ZNF407: variants seen among roughly 807,000 people sequenced by gnomAD.
The protein encoded by ZNF407 is zinc finger protein 407.
A neutral mutation model predicts 131.2 loss-of-function variants in ZNF407; 17 were observed. That is an observed-to-expected ratio of 0.13 (90% CI 0.09 to 0.19). The LOEUF (loss-of-function observed/expected upper bound fraction) is 0.19, where lower values mean the gene tolerates loss of function less well. Ranked by LOEUF, ZNF407 falls within the 10% of genes least tolerant of loss-of-function variation. ZNF407 has a pLI of 1.00. For synonymous variants in ZNF407, 1,156 were observed against 1,062.0 expected, an observed-to-expected ratio of 1.09 and a Z score of -1.72; for missense variants, 2,681 against 2,830.6, an observed-to-expected ratio of 0.95 and a Z score of 1.20.
chr18:74,757,972 T>C (rs1969003286), intron 3 of ZNF407, among the ~76,000 whole-genome samples: 1 of 152,218 alleles, frequency 6.6e-6, no homozygotes. Flanking sequence ...TGGTTACTGA[T>C]TGCATGGTGT....
intron 8 of ZNF407, among the ~76,000 whole-genome samples, chr18:74,958,270 G>A (rs1295389760): frequency 6.6e-6 from 1 of 152,228 alleles, no homozygotes; most frequent in East Asian, 1.9e-4. Context: ...TTTACTGAGT[G>A]TGGGTTAGGG....
chr18:74,795,934 G>A (rs2145059343), intron 4 of ZNF407, among the ~76,000 whole-genome samples: 1 of 152,336 alleles, frequency 6.6e-6, no homozygotes, highest in Non-Finnish European at 1.5e-5. Context: ...TTTCATACCA[G>A]CCTCCCGCTG....
intron 8 of ZNF407, among the ~76,000 whole-genome samples, chr18:75,000,597 T>G (rs1185527974): frequency 6.6e-6 from 1 of 152,208 alleles, no homozygotes. Flanking sequence ...TTCAGATGGC[T>G]AAAGCAATAA....
chr18:75,009,159 A>G (rs1462592580), intron 8 of ZNF407, among the ~76,000 whole-genome samples: 2 of 152,176 alleles, frequency 1.3e-5, no homozygotes, highest in African/African-American at 4.8e-5. Context: ...ATCTCTCACC[A>G]GTTACTCAAG....
At chr18:74,638,248 G>A (rs755737343) in intron 2 of ZNF407, among the ~76,000 whole-genome samples, 1 of 152,228 alleles carries the variant, frequency 6.6e-6, no homozygotes, top group Non-Finnish European at 1.5e-5. Context: ...CAGTAGGAGA[G>A]TTAATCTGTA....
At chr18:74,767,104 G>T (rs1383932141) in intron 3 of ZNF407, among the ~76,000 whole-genome samples, 1 of 152,058 alleles carries the variant, frequency 6.6e-6, no homozygotes, top group African/African-American at 2.4e-5. Flanking sequence ...TAGAGACAGG[G>T]TTTTGCCATG....
At chr18:74,784,990 A>G (rs997555600) in intron 4 of ZNF407, among the ~76,000 whole-genome samples, 1 of 152,170 alleles carries the variant, frequency 6.6e-6, no homozygotes, top group Non-Finnish European at 1.5e-5. Flanking sequence ...CATTTGATCC[A>G]TTGCTTTTGT....
At chr18:74,732,339 C>A (rs1968312969) in intron 3 of ZNF407, among the ~76,000 whole-genome samples, 1 of 152,142 alleles carries the variant, frequency 6.6e-6, no homozygotes, top group Non-Finnish European at 1.5e-5. Context: ...CTCCTGAAAG[C>A]CCCTTCCTGC....
At chr18:75,035,170 C>G (rs1402413170) in intron 8 of ZNF407, among the ~76,000 whole-genome samples, 1 of 152,170 alleles carries the variant, frequency 6.6e-6, no homozygotes, top group East Asian at 1.9e-4. Flanking sequence ...GATGAGTGTG[C>G]ATGTGTTTTG....
At chr18:74,713,685 CT>C (rs1377481277) in intron 3 of ZNF407, among the ~76,000 whole-genome samples, 1 of 152,074 alleles carries the variant, frequency 6.6e-6, no homozygotes, top group Non-Finnish European at 1.5e-5. Flanking sequence ...ACTATAATAT[CT>C]CCCAAATTTT....
intron 3 of ZNF407, among the ~76,000 whole-genome samples, chr18:74,685,435 G>GTCCTCCCTCT: frequency 6.6e-6 from 1 of 152,232 alleles, no homozygotes; most frequent in African/African-American, 2.4e-5. Flanking sequence ...CCTGCTCAAT[G>GTCCTCCCTCT]GCTGACCCTC....
chr18:74,726,762 T>C (rs1968168142), intron 3 of ZNF407, among the ~76,000 whole-genome samples: 1 of 152,134 alleles, frequency 6.6e-6, no homozygotes, highest in Admixed American at 6.5e-5. Flanking sequence ...TTCATCTCCA[T>C]AGGGAGATAT....
chr18:74,763,145 T>C (rs1420679821), intron 3 of ZNF407, among the ~76,000 whole-genome samples: 1 of 146,328 alleles, frequency 6.8e-6, no homozygotes, highest in Non-Finnish European at 1.5e-5. Context: ...GAGGAATCTC[T>C]TGGTGATTTA....
At chr18:74,968,957 C>T (rs1972440605) in intron 8 of ZNF407, among the ~76,000 whole-genome samples, 1 of 152,126 alleles carries the variant, frequency 6.6e-6, no homozygotes, top group South Asian at 2.1e-4. Flanking sequence ...CATTTTGTTC[C>T]AGCCGGCTTT....
chr18:74,753,968 G>A (rs1490279474), intron 3 of ZNF407, among the ~76,000 whole-genome samples: 5 of 152,234 alleles, frequency 3.3e-5, no homozygotes, highest in South Asian at 4.1e-4. Context: ...CTGTGAATCC[G>A]TCTGGTCCTG....
At chr18:74,676,496 G>C (rs993011084) in intron 3 of ZNF407, among the ~76,000 whole-genome samples, 7 of 150,948 alleles carry the variant, frequency 4.6e-5, no homozygotes, top group South Asian at 2.1e-4. Context: ...GAGTGCAGTG[G>C]CGGGATCTCG....
chr18:74,927,454 T>C (rs1479645185), intron 8 of ZNF407, among the ~76,000 whole-genome samples: 1 of 152,224 alleles, frequency 6.6e-6, no homozygotes, highest in Admixed American at 6.5e-5. Context: ...GGTAAATGTT[T>C]TCACAGTTGT....
chr18:74,756,214 T>C (rs1197337564), intron 3 of ZNF407, among the ~76,000 whole-genome samples: 1 of 152,060 alleles, frequency 6.6e-6, no homozygotes, highest in African/African-American at 2.4e-5. Context: ...TTTATGCTAT[T>C]ATCGCACCTT....
chr18:74,955,773 G>A (rs1178556588), intron 8 of ZNF407, among the ~76,000 whole-genome samples: 1 of 152,098 alleles, frequency 6.6e-6, no homozygotes, highest in African/African-American at 2.4e-5. Flanking sequence ...GCACATTCTC[G>A]ACACATCTTC....
Sources: gnomAD v4.1 joint callset for allele counts (sites outside exome capture counted in the v4.1 genomes callset) on GRCh38, gnomAD v4.1.1 for gene constraint, MANE v1.5 for transcripts, NCBI Gene and HGNC (gene_info 2026-07-23, HGNC 2026-07-21) for gene names.